Variants in EFNA5 observed in about 807,000 individuals in gnomAD.
EFNA5 encodes ephrin-A5.
EFNA5 carries 5 observed loss-of-function variants against 22.9 expected under a neutral mutation model. The observed-to-expected ratio is 0.22, with a 90% confidence interval of 0.11 to 0.46. The LOEUF is 0.46. EFNA5 is among the 20% of genes least tolerant of loss of function. The pLI, the probability that EFNA5 is intolerant of heterozygous loss-of-function variation, is 0.99. For missense variants in EFNA5, 237 were observed against 293.3 expected, an observed-to-expected ratio of 0.81 and a Z score of 1.40; for synonymous variants, 113 against 112.2, an observed-to-expected ratio of 1.01 and a Z score of -0.04.
intron 1 of EFNA5, among the ~76,000 whole-genome samples, chr5:107,658,575 C>T (rs989190976): frequency 6.6e-6 from 1 of 152,126 alleles, no homozygotes; most frequent in Non-Finnish European, 1.5e-5. Flanking sequence ...CACATAAATA[C>T]GGAGCCATTT....
chr5:107,604,343 GATTTTTTTTTTTAACCAAACCA>G (rs1027217418), intron 1 of EFNA5, among the ~76,000 whole-genome samples: 2 of 144,924 alleles, frequency 1.4e-5, no homozygotes, highest in African/African-American at 4.9e-5. Context: ...ACCTGGCTCT[GATTTTTTTTTTTAACCAAACCA>G]ATTTCCTATC....
At chr5:107,457,125 A>G (rs1444871723) in intron 1 of EFNA5, among the ~76,000 whole-genome samples, 1 of 152,182 alleles carries the variant, frequency 6.6e-6, no homozygotes, top group Non-Finnish European at 1.5e-5. Flanking sequence ...TCTAATTGAA[A>G]GGCCCCTTTT....
intron 1 of EFNA5, among the ~76,000 whole-genome samples, chr5:107,662,579 T>C (rs1750984767): frequency 6.6e-6 from 1 of 152,076 alleles, no homozygotes; most frequent in Non-Finnish European, 1.5e-5. Flanking sequence ...TCATAATTTT[T>C]AGTAACAAAT....
intron 2 of EFNA5, among the ~76,000 whole-genome samples, chr5:107,425,161 G>A (rs1748777728): frequency 6.6e-6 from 1 of 152,166 alleles, no homozygotes; most frequent in African/African-American, 2.4e-5. Flanking sequence ...GTGAAATATT[G>A]AATTTAACCA....
chr5:107,521,053 T>G (rs1040268507), intron 1 of EFNA5, among the ~76,000 whole-genome samples: 1 of 152,200 alleles, frequency 6.6e-6, no homozygotes, highest in African/African-American at 2.4e-5. Flanking sequence ...CCATTAGACC[T>G]ATACAGATGC....
At chr5:107,418,681 C>T (rs557312957) in intron 2 of EFNA5, among the ~76,000 whole-genome samples, 11 of 152,134 alleles carry the variant, frequency 7.2e-5, no homozygotes, top group Non-Finnish European at 8.8e-5. Flanking sequence ...AAAATTCAGA[C>T]AATGGGAAGG....
chr5:107,508,297 G>A (rs1217945639), intron 1 of EFNA5, among the ~76,000 whole-genome samples: 1 of 152,178 alleles, frequency 6.6e-6, no homozygotes, highest in Admixed American at 6.5e-5. Flanking sequence ...CACCTTCAGT[G>A]ACCACAGTTA....
At chr5:107,467,678 G>A (rs1750027354) in intron 1 of EFNA5, among the ~76,000 whole-genome samples, 2 of 152,164 alleles carry the variant, frequency 1.3e-5, no homozygotes, top group Non-Finnish European at 2.9e-5. Flanking sequence ...TTACCTTTGG[G>A]CTTTATTGAC....
intron 1 of EFNA5, among the ~76,000 whole-genome samples, chr5:107,648,482 G>A (rs945883435): frequency 3.3e-5 from 5 of 152,138 alleles, no homozygotes; most frequent in Non-Finnish European, 7.4e-5. Flanking sequence ...TCAACTTGTG[G>A]TACATTTTAT....
chr5:107,428,626 T>C (rs1264420144), intron 1 of EFNA5, among the ~76,000 whole-genome samples: 1 of 152,218 alleles, frequency 6.6e-6, no homozygotes, highest in African/African-American at 2.4e-5. Flanking sequence ...TTTTAGCTGG[T>C]GAGGAAATTC....
intron 2 of EFNA5, among the ~76,000 whole-genome samples, chr5:107,401,271 C>T (rs1748074897): frequency 6.6e-6 from 1 of 152,108 alleles, no homozygotes; most frequent in African/African-American, 2.4e-5. Context: ...TATTGTATTA[C>T]TTGGCATTTT....
chr5:107,392,777 C>G (rs1206494628), intron 2 of EFNA5, among the ~76,000 whole-genome samples: 8 of 152,280 alleles, frequency 5.3e-5, no homozygotes, highest in Non-Finnish European at 1.0e-4. Flanking sequence ...GGCCAGCATG[C>G]CCTTGCTCCC....
chr5:107,463,499 A>G (rs922296092), intron 1 of EFNA5, among the ~76,000 whole-genome samples: 3 of 152,160 alleles, frequency 2.0e-5, no homozygotes, highest in African/African-American at 7.2e-5. Context: ...TATTTTTCCA[A>G]TAAAAACTAG....
At chr5:107,562,003 C>T (rs539718458) in intron 1 of EFNA5, among the ~76,000 whole-genome samples, 1 of 152,290 alleles carries the variant, frequency 6.6e-6, no homozygotes, top group East Asian at 1.9e-4. Flanking sequence ...GGATGGGACG[C>T]ACCCTGCCAC....
At chr5:107,624,023 C>A (rs545256868) in intron 1 of EFNA5, among the ~76,000 whole-genome samples, 7 of 151,746 alleles carry the variant, frequency 4.6e-5, no homozygotes, top group Non-Finnish European at 7.4e-5. Flanking sequence ...AATAGAATTT[C>A]TTTTGCTCTA....
intron 1 of EFNA5, among the ~76,000 whole-genome samples, chr5:107,587,551 C>CTGTT (rs944795250): frequency 2.6e-4 from 39 of 152,138 alleles, no homozygotes; most frequent in African/African-American, 7.0e-4. Flanking sequence ...GAGTCTTGCG[C>CTGTT]TGTTGCCCAG....
intron 1 of EFNA5, among the ~76,000 whole-genome samples, chr5:107,613,012 G>A (rs562386129): frequency 3.2e-4 from 49 of 151,894 alleles, no homozygotes; most frequent in African/African-American, 1.1e-3. Context: ...CATCATCTAC[G>A]AACAGTGATA....
At chr5:107,655,858 ATGT>A (rs1350668511) in intron 1 of EFNA5, among the ~76,000 whole-genome samples, 12 of 152,144 alleles carry the variant, frequency 7.9e-5, no homozygotes, top group African/African-American at 2.9e-4. Flanking sequence ...TCTCAGCTAC[ATGT>A]TGTTATGATC....
chr5:107,489,446 C>CA (rs1160376056), intron 1 of EFNA5, among the ~76,000 whole-genome samples: 2 of 152,200 alleles, frequency 1.3e-5, no homozygotes, highest in African/African-American at 4.8e-5. Context: ...GCTGGGATTA[C>CA]AGGCATGAAC....
Sources: gnomAD v4.1 joint callset for allele counts (sites outside exome capture counted in the v4.1 genomes callset) on GRCh38, gnomAD v4.1.1 for gene constraint, MANE v1.5 for transcripts, NCBI Gene and HGNC (gene_info 2026-07-23, HGNC 2026-07-21) for gene names.